Variants in IMMP2L observed in about 807,000 individuals in gnomAD.
The protein encoded by IMMP2L is mitochondrial inner membrane protease subunit 2.
IMMP2L carries 18 observed loss-of-function variants against 19.3 expected under a neutral mutation model. The observed-to-expected ratio is 0.93, with a 90% CI of 0.64 to 1.38. The LOEUF (loss-of-function observed/expected upper bound fraction) is 1.38, where lower values mean the gene tolerates loss of function less well. IMMP2L is among the 40% of genes most tolerant of loss of function. The pLI is 0.00. For missense variants in IMMP2L, 233 were observed against 218.2 expected, an observed-to-expected ratio of 1.07 and a Z score of -0.43; for synonymous variants, 76 against 73.0, an observed-to-expected ratio of 1.04 and a Z score of -0.21.
intron 3 of IMMP2L, among the ~76,000 whole-genome samples, chr7:111,064,442 G>T (rs1042427723): frequency 6.6e-6 from 1 of 152,130 alleles, no homozygotes; most frequent in Non-Finnish European, 1.5e-5. Flanking sequence ...CAGGGCTGGG[G>T]AAAAGTTCTC....
chr7:110,906,233 C>T (rs1401080556), intron 4 of IMMP2L, among the ~76,000 whole-genome samples: 1 of 152,170 alleles, frequency 6.6e-6, no homozygotes, highest in Admixed American at 6.5e-5. Context: ...ATAGGTACAA[C>T]TAGCATGTTT....
chr7:111,488,592 G>A (rs1223441285), intron 2 of IMMP2L, among the ~76,000 whole-genome samples: 1 of 152,072 alleles, frequency 6.6e-6, no homozygotes, highest in Non-Finnish European at 1.5e-5. Context: ...GGGCATTTGG[G>A]CTGGTTCCAT....
At chr7:111,297,749 A>T (rs1821782580) in intron 3 of IMMP2L, among the ~76,000 whole-genome samples, 1 of 152,182 alleles carries the variant, frequency 6.6e-6, no homozygotes, top group Non-Finnish European at 1.5e-5. Context: ...TGAACTAGTC[A>T]TTCAAACAAC....
At chr7:111,494,782 T>C (rs981321261) in intron 2 of IMMP2L, among the ~76,000 whole-genome samples, 1 of 152,082 alleles carries the variant, frequency 6.6e-6, no homozygotes, top group Non-Finnish European at 1.5e-5. Flanking sequence ...CTAATGATGA[T>C]GGCAACAATA....
At chr7:110,764,189 A>G (rs917826389) in intron 5 of IMMP2L, among the ~76,000 whole-genome samples, 2 of 152,134 alleles carry the variant, frequency 1.3e-5, no homozygotes, top group Non-Finnish European at 2.9e-5. Flanking sequence ...CCTTCTGGCA[A>G]ATGAAAGGGC....
chr7:111,340,211 T>C (rs959889981), intron 3 of IMMP2L, among the ~76,000 whole-genome samples: 4 of 152,068 alleles, frequency 2.6e-5, no homozygotes, highest in African/African-American at 9.7e-5. Context: ...GGGCAACAAA[T>C]ATATCTATAG....
At chr7:111,341,240 A>G (rs1243203688) in intron 3 of IMMP2L, among the ~76,000 whole-genome samples, 1 of 152,128 alleles carries the variant, frequency 6.6e-6, no homozygotes, top group Non-Finnish European at 1.5e-5. Context: ...TCTGGTAGCC[A>G]ATACATCACA....
intron 1 of IMMP2L, among the ~76,000 whole-genome samples, chr7:111,546,530 TATG>T (rs1284494176): frequency 6.6e-6 from 1 of 152,214 alleles, no homozygotes; most frequent in Admixed American, 6.5e-5. Context: ...GCTGTCTTCC[TATG>T]ATATGAATTG....
chr7:111,380,992 C>T (rs1831146258), intron 3 of IMMP2L, among the ~76,000 whole-genome samples: 1 of 151,910 alleles, frequency 6.6e-6, no homozygotes. Context: ...GAGTGCAAAT[C>T]TGAGCACCGT....
chr7:111,320,035 T>C (rs1824515529), intron 3 of IMMP2L, among the ~76,000 whole-genome samples: 2 of 151,914 alleles, frequency 1.3e-5, no homozygotes, highest in Admixed American at 1.3e-4. Context: ...AAAATCTTCA[T>C]CCCCACATCA....
intron 3 of IMMP2L, among the ~76,000 whole-genome samples, chr7:111,149,281 G>C (rs1665278117): frequency 6.6e-6 from 1 of 152,052 alleles, no homozygotes; most frequent in Admixed American, 6.6e-5. Flanking sequence ...CTCAAAAAGT[G>C]GATCTAATAA....
At chr7:111,439,943 G>A (rs774348527) in intron 3 of IMMP2L, among the ~76,000 whole-genome samples, 20 of 151,838 alleles carry the variant, frequency 1.3e-4, no homozygotes, top group Non-Finnish European at 2.4e-4. Context: ...TCTTCACCAG[G>A]CATAGATTCC....
At position 110,851,793 on chromosome 7, in the gene IMMP2L, G is replaced by T. The variant is rs1235149029; in HGVS notation, c.408+34800C>A. 3.3e-5 allele frequency among the ~76,000 whole-genome samples: 5 copies of T among 152,212 alleles called. No individual in the cohort carries two copies. The East Asian group carries it at 9.7e-4, about 29-fold the overall frequency. On this transcript the variant is annotated intron_variant, in intron 5 of 5. Transcript: ENST00000405709. ...ATGTCCATCAATAGGAATTTATGCA[G>T]AAATTAAAAATGATAAGATACATTG...
chr7:111,211,281 T>G (rs1170800758), intron 3 of IMMP2L, among the ~76,000 whole-genome samples: 2 of 151,956 alleles, frequency 1.3e-5, no homozygotes, highest in Non-Finnish European at 2.9e-5. Flanking sequence ...GCATCCTGAA[T>G]AGCTGGGAGG....
In IMMP2L at chr7:110,662,831, T is replaced by C. The variant is rs1364615093; in HGVS notation, c.*771A>G. Among the ~76,000 whole-genome samples, 1 of 152,162 alleles carries C rather than the reference T, an allele frequency of 6.6e-6. No homozygotes were observed. The highest frequency in any genetic ancestry group is 1.5e-5 in the Non-Finnish European group (1 of 68,026). On this transcript the variant is annotated 3_prime_UTR_variant, in exon 6 of 6. Coordinates refer to ENST00000405709, the MANE Select transcript of IMMP2L (RefSeq NM_032549.4). ...TCACTCAGAACTTTTAAACACATAG[T>C]ATGACTAAATGCGGATAAAGGGGTT...
At chr7:111,140,674 C>T (rs180819207) in intron 3 of IMMP2L, among the ~76,000 whole-genome samples, 122 of 152,280 alleles carry the variant, frequency 8.0e-4, no homozygotes, top group Non-Finnish European at 9.9e-4. Flanking sequence ...CTGAACTTCT[C>T]ACAAATGTCA....
intron 3 of IMMP2L, among the ~76,000 whole-genome samples, chr7:111,327,914 C>T (rs977499710): frequency 6.6e-6 from 1 of 151,576 alleles, no homozygotes; most frequent in South Asian, 2.1e-4. Flanking sequence ...TAACTACATA[C>T]CTGAATCACC....
intron 3 of IMMP2L, among the ~76,000 whole-genome samples, chr7:111,284,358 T>C (rs1308851457): frequency 6.6e-6 from 1 of 152,180 alleles, no homozygotes; most frequent in Non-Finnish European, 1.5e-5. Context: ...TAACATCCTC[T>C]TCTCCTTCAT....
chr7:111,085,833 G>A (rs572018130), intron 3 of IMMP2L, among the ~76,000 whole-genome samples: 1 of 152,278 alleles, frequency 6.6e-6, no homozygotes, highest in East Asian at 1.9e-4. Context: ...CATGTCTGTT[G>A]CAGGGACATG....
Sources: gnomAD v4.1 joint callset for allele counts (sites outside exome capture counted in the v4.1 genomes callset) on GRCh38, gnomAD v4.1.1 for gene constraint, MANE v1.5 for transcripts, NCBI Gene and HGNC (gene_info 2026-07-23, HGNC 2026-07-21) for gene names.